TLE1: variants seen among roughly 807,000 people sequenced by gnomAD.
TLE1 encodes the protein transducin-like enhancer protein 1.
Under a neutral mutation model 89.8 loss-of-function variants are expected in TLE1, and 21 were observed. The ratio of observed to expected loss-of-function variants is 0.23; its 90% CI spans 0.17 to 0.34. The LOEUF is 0.34. Among genes scored for constraint, TLE1 ranks in the 10% least tolerant of loss-of-function variants. The probability of loss-of-function intolerance (pLI) is 1.00; values close to 1 mark genes in which losing one functional copy is unlikely to be tolerated. For missense variants in TLE1, 795 were observed against 1,031.2 expected (o/e 0.77, Z 3.14); for synonymous variants, 447 against 407.6 (o/e 1.10, Z -1.16).
At chr9:81,675,288 A>G (rs1384349630) in intron 4 of TLE1, among the ~76,000 whole-genome samples, 1 of 152,054 alleles carries the variant, frequency 6.6e-6, no homozygotes, top group Non-Finnish European at 1.5e-5. Flanking sequence ...ATTTTTCATA[A>G]TAAAATGTTT....
chr9:81,670,517 G>A (rs1832079294), intron 4 of TLE1, among the ~76,000 whole-genome samples: 1 of 151,902 alleles, frequency 6.6e-6, no homozygotes, highest in Admixed American at 6.6e-5. Context: ...GTAGAGACGG[G>A]GTTTCACCAT....
At position 81,633,466 on chromosome 9, in the gene TLE1, A is replaced by G. The variant is rs1826968363; in HGVS notation, c.578-102T>C. 8.3e-6 allele frequency: 13 copies of G among 1,564,104 alleles called. No homozygotes were observed. In the South Asian group the frequency reaches 1.0e-4, roughly 12 times the overall value. ...GGGGAATAATTAGAACACAAGCCCC[A>G]AACAGTTTTAAAAATGGCTTTTATT... On this transcript the variant is annotated intron_variant, in intron 7 of 19. Coordinates refer to ENST00000376499, the MANE Select transcript of TLE1 (RefSeq NM_005077.5).
intron 6 of TLE1, among the ~76,000 whole-genome samples, chr9:81,650,789 T>C (rs1564026373): frequency 6.6e-6 from 1 of 152,036 alleles, no homozygotes. Flanking sequence ...TCAAGTGTAA[T>C]AAAGCAGCTT....
At chr9:81,674,953 G>A (rs145913365) in intron 4 of TLE1, among the ~76,000 whole-genome samples, 1,704 of 151,846 alleles carry the variant, frequency 0.011, 44 homozygotes, top group African/African-American at 0.039. Flanking sequence ...CCAGGAATTC[G>A]AGACCATCCT....
chr9:81,605,249 C>A (rs1163022331), intron 14 of TLE1, among the ~76,000 whole-genome samples: 2 of 152,296 alleles, frequency 1.3e-5, no homozygotes, highest in Non-Finnish European at 2.9e-5. Context: ...CAGCCCTACT[C>A]AACGTGTGGT....
intron 14 of TLE1, among the ~76,000 whole-genome samples, chr9:81,608,330 G>A (rs1430547192): frequency 6.6e-6 from 1 of 152,090 alleles, no homozygotes; most frequent in Non-Finnish European, 1.5e-5. Flanking sequence ...GGGCAACATA[G>A]GGAGACCCTG....
chr9:81,655,789 C>T (rs1467661104), intron 4 of TLE1, among the ~76,000 whole-genome samples: 2 of 150,542 alleles, frequency 1.3e-5, no homozygotes, highest in Admixed American at 1.3e-4. Context: ...CAAAGTCGAG[C>T]CTGCGGTGAG....
intron 14 of TLE1, among the ~76,000 whole-genome samples, chr9:81,602,546 G>A (rs1006502107): frequency 4.6e-5 from 7 of 152,154 alleles, no homozygotes; most frequent in East Asian, 3.9e-4. Context: ...TGTTTTGACC[G>A]CACCTTGTCA....
At chr9:81,663,780 C>A (rs1831122500) in intron 4 of TLE1, among the ~76,000 whole-genome samples, 1 of 151,900 alleles carries the variant, frequency 6.6e-6, no homozygotes, top group South Asian at 2.1e-4. Context: ...GCACCTGCCA[C>A]CACGCCCGGC....
intron 6 of TLE1, among the ~76,000 whole-genome samples, chr9:81,637,688 G>A (rs2132417446): frequency 6.7e-6 from 1 of 150,222 alleles, no homozygotes; most frequent in East Asian, 2.0e-4. Context: ...AAATTGAAAG[G>A]AGTACTAAGT....
intron 4 of TLE1, among the ~76,000 whole-genome samples, chr9:81,678,843 GA>G (rs571527868): frequency 1.1e-4 from 16 of 145,258 alleles, no homozygotes; most frequent in Admixed American, 1.4e-4. Context: ...CCATCTCAAA[GA>G]AAAAAAAAAT....
At chr9:81,615,332 A>G (rs1193736983) in intron 11 of TLE1, among the ~76,000 whole-genome samples, 3 of 143,830 alleles carry the variant, frequency 2.1e-5, no homozygotes, top group Non-Finnish European at 4.5e-5. Context: ...CCGTCTCAGA[A>G]AAAAAAAAAA....
At chr9:81,603,656 C>A (rs906880131) in intron 14 of TLE1, among the ~76,000 whole-genome samples, 2 of 152,180 alleles carry the variant, frequency 1.3e-5, no homozygotes, top group Non-Finnish European at 2.9e-5. Context: ...TGCCTCCAGC[C>A]CAAAACTCTT....
chr9:81,670,036 C>A (rs1177317308), intron 4 of TLE1, among the ~76,000 whole-genome samples: 1 of 152,132 alleles, frequency 6.6e-6, no homozygotes, highest in Non-Finnish European at 1.5e-5. Flanking sequence ...TAATTTGTTC[C>A]AACTCGTGTC....
chr9:81,677,789 T>A (rs1412069634), intron 4 of TLE1, among the ~76,000 whole-genome samples: 1 of 152,154 alleles, frequency 6.6e-6, no homozygotes, highest in South Asian at 2.1e-4. Context: ...CAAAGACTGA[T>A]TCCACTTCAT....
chr9:81,646,022 C>T (rs1332764618), intron 6 of TLE1, among the ~76,000 whole-genome samples: 1 of 152,100 alleles, frequency 6.6e-6, no homozygotes, highest in East Asian at 1.9e-4. Flanking sequence ...GTAAAAATCA[C>T]AGGAAACTAT....
In TLE1 at chr9:81,583,794, A is replaced by G. The variant is rs1248912167; in HGVS notation, c.*404T>C. On this transcript the variant is annotated 3_prime_UTR_variant, in exon 20 of 20. Coordinates refer to ENST00000376499, the MANE Select transcript of TLE1 (RefSeq NM_005077.5). ...ACATTTCACAAGATGCAAAACCAGGAAACAAGTTCATTGGAGACACCACTG... is the reference window on the plus strand; with the variant it reads ...ACATTTCACAAGATGCAAAACCAGGGAACAAGTTCATTGGAGACACCACTG... 1 of 168,178 alleles carries G rather than the reference A, an allele frequency of 5.9e-6. No homozygotes were observed. The highest frequency in any genetic ancestry group is 1.8e-4 in the South Asian group (1 of 5,538). 10.4% of individuals were successfully genotyped at this position (168,178 alleles called of 1,614,324 possible). A position where few individuals can be genotyped will look rare whatever the true frequency, so the allele number is the denominator to read the frequency against.
rs548870811 is a variant in TLE1 at position 81,684,397 on chromosome 9, A to G, written c.234+1279T>C. Among the ~76,000 whole-genome samples the G allele has an allele frequency of 5.3e-5, 8 of 151,864 alleles. No homozygotes were observed. In the East Asian group the frequency reaches 1.4e-3, roughly 26 times the overall value. ...AAGGCCCAATTACATTATTAATAAA[A>G]GGCCCTGAAAATCACAATCTCTTTC... On this transcript the variant is annotated intron_variant, in intron 4 of 19. Coordinates refer to ENST00000376499, the MANE Select transcript of TLE1 (RefSeq NM_005077.5).
intron 4 of TLE1, among the ~76,000 whole-genome samples, chr9:81,669,619 C>G (rs995358850): frequency 1.8e-4 from 27 of 152,100 alleles, no homozygotes; most frequent in Non-Finnish European, 3.2e-4. Flanking sequence ...CCCTCCCCCC[C>G]CACACCAAAA....
Sources: gnomAD v4.1 joint callset for allele counts (sites outside exome capture counted in the v4.1 genomes callset) on GRCh38, gnomAD v4.1.1 for gene constraint, MANE v1.5 for transcripts, NCBI Gene and HGNC (gene_info 2026-07-23, HGNC 2026-07-21) for gene names.